Variants in AMHR2 observed in about 807,000 individuals in gnomAD.
The protein encoded by AMHR2 is anti-Muellerian hormone type-2 receptor.
In AMHR2, 36 loss-of-function variants were observed where a neutral mutation model predicts 61.4. The ratio of observed to expected loss-of-function variants is 0.59; its 90% CI spans 0.45 to 0.77. The LOEUF is 0.77. Ranked by LOEUF, AMHR2 falls within the 30% of genes least tolerant of loss-of-function variation. The probability of loss-of-function intolerance (pLI) is 0.00; values close to 1 mark genes in which losing one functional copy is unlikely to be tolerated. For synonymous variants in AMHR2, 258 were observed against 279.4 expected (o/e 0.92, Z 0.76); for missense variants, 638 against 714.6 (o/e 0.89, Z 1.22).
At position 53,431,180 on chromosome 12, in the gene AMHR2, C is replaced by T. The variant is rs766214800; in HGVS notation, c.1429C>T (p.Pro477Ser). 8.1e-6 allele frequency: 13 copies of T among 1,614,010 alleles called. No homozygotes were observed. Among genetic ancestry groups the T allele is most frequent in the Non-Finnish European group, 9.3e-6 (11 of 1,180,058 alleles). ...PSTWRCFATD[P>S]DGLRELLEDC... ...TCCTCCCTGTCATTCCCCCCAGGAC[C>T]CTGATGGGCTGAGGGAGCTCCTAGA... is the stretch of plus-strand genomic sequence containing the variant. The change falls in exon 11 of 11, where the codon CCT (proline) becomes TCT (serine). Residue 477 changes from proline to serine, a missense_variant. By Grantham distance (74) the Pro-to-Ser change is moderately conservative. Coordinates refer to ENST00000257863, the MANE Select transcript of AMHR2 (RefSeq NM_020547.3).
intron 10 of AMHR2, 88 bp downstream of exon 10, chr12:53,430,370 A>T: frequency 6.3e-7 from 1 of 1,598,074 alleles, no homozygotes; most frequent in Admixed American, 1.7e-5. Flanking sequence ...GTGTCTGTCT[A>T]CTCCTATCTC....
chr12:53,430,805 C>T (rs2136975327), intron 10 of AMHR2: 1 of 377,190 alleles, frequency 2.7e-6, no homozygotes, highest in South Asian at 2.9e-5. Flanking sequence ...ACAAAATGTC[C>T]CTTCTGTACC....
chr12:53,428,269 G>A (rs191642213), intron 6 of AMHR2, among the ~76,000 whole-genome samples: 1 of 152,262 alleles, frequency 6.6e-6, no homozygotes, highest in East Asian at 1.9e-4. Flanking sequence ...GGTGCTCGAT[G>A]ACACTTGTTG....
chr12:53,429,761 T>G, intron 8 of AMHR2, 70 bp from the exon 9 acceptor site: 1 of 1,610,140 alleles, frequency 6.2e-7, no homozygotes, highest in Non-Finnish European at 8.5e-7. Context: ...GGGGGGATAT[T>G]GCATGGACCA....
chr12:53,429,092 G>A (rs545258979), intron 7 of AMHR2, 82 bp downstream of exon 7: 10 of 1,296,388 alleles, frequency 7.7e-6, no homozygotes, highest in South Asian at 6.3e-5. Flanking sequence ...GGAAAGATTG[G>A]GTCAAAAGAG....
At position 53,428,882 on chromosome 12, in the gene AMHR2, C is replaced by T. The variant is rs1939847472; in HGVS notation, c.853-14C>T. ...AGCTTTGTGTACCATCCTTTTCTCT[C>T]TGCGTTTCCCCAGGGCTCCCTGTGC... On this transcript the variant is annotated splice_polypyrimidine_tract_variant and intron_variant, in intron 6 of 10. Transcript: ENST00000257863. The T allele has an allele frequency of 1.3e-6, 2 of 1,543,534 alleles. No homozygotes were observed. The highest frequency in any genetic ancestry group is 3.9e-5 in the Admixed American group (2 of 50,984).
intron 6 of AMHR2, among the ~76,000 whole-genome samples, chr12:53,426,745 C>CAA (rs1006204399): frequency 1.1e-4 from 17 of 152,030 alleles, no homozygotes; most frequent in African/African-American, 4.1e-4. Context: ...TGCAGTGGCA[C>CAA]AAGCTTGGCT....
rs768542840 is a variant in AMHR2 at position 53,425,474 on chromosome 12, C to G, written c.522C>G (p.Asn174Lys). ...TTCCAGCCCTGCTACAGCGAAAGAA[C>G]TACAGAGTGCGAGGTGAGCCAGTGC... is the stretch of plus-strand genomic sequence containing the variant. Reference protein sequence around the residue: ...SIILALLQRKNYRVRGEPVPE... With the variant: ...SIILALLQRKKYRVRGEPVPE... The change falls in exon 5 of 11, where the codon AAC becomes AAG. Residue 174 changes from asparagine (N) to lysine (K), a missense_variant. Coordinates refer to ENST00000257863, the MANE Select transcript of AMHR2 (RefSeq NM_020547.3). 32 of 1,613,910 alleles carry G rather than the reference C, an allele frequency of 2.0e-5. No homozygotes were observed. Among genetic ancestry groups the G allele is most frequent in the Non-Finnish European group, 2.6e-5 (31 of 1,180,044 alleles).
Position 53,424,470 on chromosome 12 carries a change from G to A in AMHR2, c.232G>A (p.Gly78Arg), listed in dbSNP as rs758600704. Reference sequence around the variant, plus strand: ...AGACCGGGCACAGGTGGAAATGCAAGGTGAATGGCAAAGTATATGGCAGGT... The same window carrying A: ...AGACCGGGCACAGGTGGAAATGCAAAGTGAATGGCAAAGTATATGGCAGGT... The part of the protein sequence containing the change: ...TQDRAQVEMQ[G>R]CRDSDEPGCE... Residue 78 changes from glycine to arginine, a missense_variant and splice_region_variant, in exon 2 of 11, where the codon GGA becomes AGA. Transcript: ENST00000257863. 2 of 1,612,646 alleles carry A rather than the reference G, an allele frequency of 1.2e-6. No homozygotes were observed. Among genetic ancestry groups the A allele is most frequent in the Non-Finnish European group, 1.7e-6 (2 of 1,179,416 alleles).
At chr12:53,424,009 G>T in intron 1 of AMHR2, 26 bp downstream of exon 1, 1 of 1,612,990 alleles carries the variant, frequency 6.2e-7, no homozygotes, top group Non-Finnish European at 8.5e-7. Context: ...GAGGGGAAGG[G>T]TCTCTCCATC....
In AMHR2 at chr12:53,431,544, C is replaced by T. The variant is rs535137073; in HGVS notation, c.*71C>T. On this transcript the variant is annotated 3_prime_UTR_variant, in exon 11 of 11. Coordinates refer to ENST00000257863, the MANE Select transcript of AMHR2 (RefSeq NM_020547.3). ...GCGATTGTATAGCTGTCTTGTCTGC[C>T]TCATCACTGCATTTCCCACCTGCCG... 6.4e-5 allele frequency: 101 copies of T among 1,584,508 alleles called. 1 individual carries two copies. In the South Asian group the frequency reaches 1.1e-3, roughly 17 times the overall value.
In AMHR2 at chr12:53,429,029, G is replaced by T; in HGVS notation, c.967+19G>T. ...CAGAATGGTGGGTGAGCTGGGCATAGGAAGTCAAGGGAGCCACAGTGCTAT... is the reference window on the plus strand; with the variant it reads ...CAGAATGGTGGGTGAGCTGGGCATATGAAGTCAAGGGAGCCACAGTGCTAT... On this transcript the variant is annotated intron_variant, in intron 7 of 10. Transcript: ENST00000257863. 6.5e-7 allele frequency: 1 copy of T among 1,529,666 alleles called. No homozygotes were observed. Among genetic ancestry groups the T allele is most frequent in the Non-Finnish European group, 8.9e-7 (1 of 1,128,022 alleles). 94.8% of individuals were successfully genotyped at this position (1,529,666 alleles called of 1,614,324 possible).
In AMHR2 at chr12:53,426,355, G is replaced by T. The variant is rs184772202; in HGVS notation, c.852+436G>T. Among the ~76,000 whole-genome samples, 401 of 151,474 alleles carry T rather than the reference G, an allele frequency of 2.6e-3. 3 individuals are homozygous for T. Among genetic ancestry groups the T allele is most frequent in the Middle Eastern group, 0.014 (4 of 284 alleles). ...AAAATAGTAACAGGCTGGGCACGGT[G>T]GCAGACGCCTGTAATCCCAGCACTT... On this transcript the variant is annotated intron_variant, in intron 6 of 10. Transcript: ENST00000257863.
chr12:53,429,135 A>T, intron 7 of AMHR2, 125 bp downstream of exon 7: 1 of 934,800 alleles, frequency 1.1e-6, no homozygotes, highest in South Asian at 1.4e-5. Flanking sequence ...GCTCACGCCT[A>T]TAATCCCAGC....
intron 6 of AMHR2, 54 bp downstream of exon 6, chr12:53,425,973 G>A: frequency 1.3e-6 from 2 of 1,537,446 alleles, no homozygotes; most frequent in East Asian, 4.5e-5. Context: ...TATGTATAGA[G>A]GTGGGGGCTA....
rs1179461560 is a variant in AMHR2, at chr12:53,425,839, G to A, written c.772G>A (p.Val258Ile). 5 of 1,614,126 alleles carry A rather than the reference G, an allele frequency of 3.1e-6. No homozygotes were observed. The highest frequency in any genetic ancestry group is 1.3e-5 in the African/African-American group (1 of 75,032). Residue 258 changes from valine to isoleucine, a missense_variant, in exon 6 of 11, where the codon GTC becomes ATC. Coordinates refer to ENST00000257863, the MANE Select transcript of AMHR2 (RefSeq NM_020547.3). ...TCCAGGCCTACAGCACGACCACATT[G>A]TCCGATTTATCACTGCCAGCCGGGG... ...ELPGLQHDHI[V>I]RFITASRGGP...
chr12:53,430,922 G>A, intron 10 of AMHR2: 1 of 569,596 alleles, frequency 1.8e-6, no homozygotes, highest in Non-Finnish European at 3.1e-6. Flanking sequence ...TTTCCCATTA[G>A]CATATTAAGC....
chr12:53,424,546 G>A (rs1443328018), intron 2 of AMHR2, 76 bp downstream of exon 2: 3 of 1,574,256 alleles, frequency 1.9e-6, no homozygotes, highest in Non-Finnish European at 2.6e-6. Context: ...TGGCAACCAA[G>A]GGGGAAGGGG....
At chr12:53,429,661 A>G (rs1939939597) in intron 8 of AMHR2, 36 bp downstream of exon 8, 2 of 1,611,140 alleles carry the variant, frequency 1.2e-6, no homozygotes, top group Non-Finnish European at 1.7e-6. Flanking sequence ...GCCCAGGATG[A>G]TGTTGGTGCT....
Sources: gnomAD v4.1 joint callset for allele counts (sites outside exome capture counted in the v4.1 genomes callset) on GRCh38, gnomAD v4.1.1 for gene constraint, MANE v1.5 for transcripts, NCBI Gene and HGNC (gene_info 2026-07-23, HGNC 2026-07-21) for gene names.